COL28A1: variants seen among roughly 807,000 people sequenced by gnomAD.
COL28A1 encodes collagen type XXVIII alpha 1 chain, also known as collagen alpha-1(XXVIII) chain.
COL28A1 carries 161 observed loss-of-function variants against 150.2 expected under a neutral mutation model. The ratio of observed to expected loss-of-function variants is 1.07; its 90% CI spans 0.94 to 1.22. COL28A1 has a LOEUF of 1.22. Ranked by LOEUF, COL28A1 falls within the 50% of genes most tolerant of loss-of-function variation. The pLI, the probability that COL28A1 is intolerant of heterozygous loss-of-function variation, is 0.00. For missense variants in COL28A1, 1,617 were observed against 1,388.3 expected (o/e 1.16, Z -2.62); for synonymous variants, 552 against 469.7 (o/e 1.18, Z -2.26).
Position 7,443,984 on chromosome 7 carries a change from CT to C in COL28A1, c.1582-332del, listed in dbSNP as rs1030135803. Among the ~76,000 whole-genome samples, 160 of 93,482 alleles carry C rather than the reference CT, an allele frequency of 1.7e-3. 1 individual carries two copies. Among genetic ancestry groups the C allele is most frequent in the Non-Finnish European group, 2.8e-3 (132 of 47,912 alleles). The allele number at this position is 93,482 out of a possible 152,430, so 61.3% of individuals were successfully genotyped here. A position where few individuals can be genotyped will look rare whatever the true frequency, so the allele number is the denominator to read the frequency against. Reference sequence around the variant, plus strand: ...GGAAGACCTTCAGCCTTTCCATCTGCTGTTTTTTTTTTTTTTTTTTTTTGCT... The same window carrying C: ...GGAAGACCTTCAGCCTTTCCATCTGCGTTTTTTTTTTTTTTTTTTTTTGCT... On this transcript the variant is annotated intron_variant, in intron 19 of 34. Transcript: ENST00000399429.
chr7:7,440,802 G>T lies in COL28A1; in HGVS notation c.1710C>A (p.Pro570=), dbSNP rs375720751. Residue 570 remains proline (P), a synonymous_variant, in exon 21 of 35, where the codon CCC becomes CCA. Coordinates refer to ENST00000399429, the MANE Select transcript of COL28A1 (RefSeq NM_001037763.3). The part of the protein sequence containing the change: ...GNQGQRGLPG[P]EGPKGEPGIM... ...ACAAGAAACATACCTTTGGTCCTTC[G>T]GGCCCTGGAAGTCCCCTCTGTCCTT... 43 of 1,482,070 alleles carry T rather than the reference G, an allele frequency of 2.9e-5. No individual in the cohort carries two copies. Among genetic ancestry groups the T allele is most frequent in the Non-Finnish European group, 9.4e-6 (10 of 1,061,792 alleles). The allele number at this position is 1,482,070 out of a possible 1,614,324, so 91.8% of individuals were successfully genotyped here.
At chr7:7,480,081 G>A (rs933999153) in intron 13 of COL28A1, among the ~76,000 whole-genome samples, 1 of 152,134 alleles carries the variant, frequency 6.6e-6, no homozygotes, top group African/African-American at 2.4e-5. Flanking sequence ...TGATGTTTGG[G>A]CTTGAGATAC....
chr7:7,444,277 A>G (rs1244853453), intron 19 of COL28A1, 141 bp downstream of exon 19: 1 of 1,119,548 alleles, frequency 8.9e-7, no homozygotes, highest in South Asian at 1.6e-5. Flanking sequence ...AGAAGTGGAA[A>G]GGGACATTTG....
intron 27 of COL28A1, among the ~76,000 whole-genome samples, chr7:7,399,871 G>A (rs1783069689): frequency 6.6e-6 from 1 of 152,212 alleles, no homozygotes; most frequent in Non-Finnish European, 1.5e-5. Flanking sequence ...GCAGCATTCT[G>A]CTGACTGCAT....
intron 15 of COL28A1, among the ~76,000 whole-genome samples, chr7:7,471,987 G>A (rs111803503): frequency 6.6e-6 from 1 of 152,298 alleles, no homozygotes. Flanking sequence ...TATGATTAAA[G>A]CTCTCAGCAA....
intron 4 of COL28A1, among the ~76,000 whole-genome samples, chr7:7,523,023 T>C (rs528557197): frequency 7.6e-4 from 116 of 152,184 alleles, no homozygotes; most frequent in African/African-American, 2.8e-3. Context: ...TATATGTATA[T>C]ATGAAAGTGA....
At chr7:7,343,254 G>C in the COL28A1 span, among the ~76,000 whole-genome samples, 6 of 151,754 alleles carry the variant, frequency 4.0e-5, no homozygotes, top group Admixed American at 1.3e-4. Context: ...TCTTTTATCA[G>C]TTCTGAAAAA....
chr7:7,502,066 T>G (rs1290633057), intron 11 of COL28A1, among the ~76,000 whole-genome samples: 1 of 152,172 alleles, frequency 6.6e-6, no homozygotes, highest in Non-Finnish European at 1.5e-5. Flanking sequence ...GGCTAATTTT[T>G]GTGCTGTTAG....
chr7:7,429,224 AT>A (rs537926534), intron 25 of COL28A1, among the ~76,000 whole-genome samples: 1,873 of 152,316 alleles, frequency 0.012, 22 homozygotes, highest in Middle Eastern at 0.037. Flanking sequence ...ACACACATAT[AT>A]ACAGTTTCAC....
the COL28A1 span, among the ~76,000 whole-genome samples, chr7:7,338,707 G>A: frequency 6.6e-6 from 1 of 152,052 alleles, no homozygotes; most frequent in Non-Finnish European, 1.5e-5. Flanking sequence ...GCTCTAGCTA[G>A]GACTTTCCTT....
chr7:7,413,186 T>G (rs996960813), intron 27 of COL28A1, among the ~76,000 whole-genome samples: 1 of 152,064 alleles, frequency 6.6e-6, no homozygotes, highest in South Asian at 2.1e-4. Context: ...AGCCTGTCAT[T>G]GAGGCTATTT....
At chr7:7,488,210 C>T (rs972115370) in intron 13 of COL28A1, among the ~76,000 whole-genome samples, 11 of 152,312 alleles carry the variant, frequency 7.2e-5, no homozygotes, top group African/African-American at 2.4e-4. Flanking sequence ...TTTAATGGTA[C>T]TATCTATTTA....
chr7:7,476,431 G>A (rs1453400943), intron 14 of COL28A1, among the ~76,000 whole-genome samples: 1 of 152,132 alleles, frequency 6.6e-6, no homozygotes, highest in Non-Finnish European at 1.5e-5. Flanking sequence ...TATAAATATA[G>A]TTTTATTGGA....
At chr7:7,367,285 G>A (rs1483228902) in intron 33 of COL28A1, among the ~76,000 whole-genome samples, 1 of 152,174 alleles carries the variant, frequency 6.6e-6, no homozygotes, top group East Asian at 1.9e-4. Context: ...ATTGGCTAGC[G>A]AAACATTTCT....
chr7:7,471,125 T>TAAAAAAAAAAAAAAAAAAAAAAA (rs746981344), intron 15 of COL28A1, among the ~76,000 whole-genome samples: 11 of 88,520 alleles, frequency 1.2e-4, no homozygotes, highest in East Asian at 3.4e-4. Context: ...AAAAAATAAT[T>TAAAAAAAAAAAAAAAAAAAAAAA]AAAAAAAAAA....
At chr7:7,389,273 T>C (rs1332026940) in intron 27 of COL28A1, among the ~76,000 whole-genome samples, 2 of 152,208 alleles carry the variant, frequency 1.3e-5, no homozygotes, top group Non-Finnish European at 2.9e-5. Flanking sequence ...TCATTGCTTG[T>C]TTTTGTCAGG....
intron 18 of COL28A1, among the ~76,000 whole-genome samples, chr7:7,446,294 A>T (rs1237401506): frequency 6.6e-6 from 1 of 152,224 alleles, no homozygotes; most frequent in African/African-American, 2.4e-5. Context: ...TATATATAGT[A>T]AAAATGTTTT....
chr7:7,506,176 A>ACTCAGAGCTAAATTGAAATCACATTCAAT, intron 10 of COL28A1, 109 bp from the exon 11 acceptor site: 1 of 664,408 alleles, frequency 1.5e-6, no homozygotes, highest in Non-Finnish European at 2.7e-6. Flanking sequence ...AGACTGTGTA[A>ACTCAGAGCTAAATTGAAATCACATTCAAT]CTCAGAGCTA....
intron 27 of COL28A1, among the ~76,000 whole-genome samples, chr7:7,415,658 T>C (rs141552019): frequency 0.15 from 22,503 of 152,142 alleles, 1,757 homozygotes; most frequent in Middle Eastern, 0.28. Context: ...CTCAGCCTCC[T>C]GAGTAGCTGA....
Sources: gnomAD v4.1 joint callset for allele counts (sites outside exome capture counted in the v4.1 genomes callset) on GRCh38, gnomAD v4.1.1 for gene constraint, MANE v1.5 for transcripts, NCBI Gene and HGNC (gene_info 2026-07-23, HGNC 2026-07-21) for gene names.